LARP1: variants seen among roughly 807,000 people sequenced by gnomAD.
LARP1 encodes the protein la-related protein 1.
A neutral mutation model predicts 122.7 loss-of-function variants in LARP1; 36 were observed. The ratio of observed to expected loss-of-function variants is 0.29; its 90% CI spans 0.22 to 0.39. LARP1 has a LOEUF of 0.39. Among genes scored for constraint, LARP1 ranks in the 10% least tolerant of loss-of-function variants. LARP1 has a pLI of 1.00. For synonymous variants in LARP1, 539 were observed against 528.7 expected (o/e 1.02, Z -0.27); for missense variants, 1,040 against 1,403.6 (o/e 0.74, Z 4.14).
At chr5:154,775,214 C>T (rs1236206832) in intron 1 of LARP1, among the ~76,000 whole-genome samples, 4 of 152,122 alleles carry the variant, frequency 2.6e-5, no homozygotes, top group African/African-American at 4.8e-5. Context: ...CCAGGAAGAT[C>T]GTGTGAGTTC....
chr5:154,781,256 G>A (rs1756402547), intron 1 of LARP1, among the ~76,000 whole-genome samples: 1 of 152,084 alleles, frequency 6.6e-6, no homozygotes. Context: ...AAAGCCCAAG[G>A]GAGCCCCGCA....
chr5:154,757,037 G>C (rs1261209129), intron 1 of LARP1: 1 of 148,416 alleles, frequency 6.7e-6, no homozygotes, highest in Non-Finnish European at 1.5e-5. Flanking sequence ...CGGGCCGCTC[G>C]GCCTCGGCGT....
At chr5:154,757,237 C>G (rs527651724) in intron 1 of LARP1, 1 of 151,896 alleles carries the variant, frequency 6.6e-6, no homozygotes, top group African/African-American at 2.4e-5. Context: ...CGAGTCCTCC[C>G]TCTCCCTCCT....
chr5:154,756,615 C>G (rs1753937999), intron 1 of LARP1: 1 of 585,944 alleles, frequency 1.7e-6, no homozygotes, highest in African/African-American at 2.0e-5. Context: ...GCGAGCGTCC[C>G]CATGTTGTAA....
chr5:154,683,175 C>T (rs1753774586), intron 1 of LARP1, among the ~76,000 whole-genome samples: 1 of 152,240 alleles, frequency 6.6e-6, no homozygotes, highest in Non-Finnish European at 1.5e-5. Context: ...CGGAAAGGCA[C>T]AGATCTTACC....
intron 1 of LARP1, among the ~76,000 whole-genome samples, chr5:154,715,400 G>T (rs993278843): frequency 8.6e-5 from 13 of 151,176 alleles, no homozygotes; most frequent in African/African-American, 2.7e-4. Context: ...GAGTAGCTGG[G>T]ATTACAGGCA....
chr5:154,794,259 A>G lies in LARP1; in HGVS notation c.1229A>G (p.Gln410Arg). Residue 410 changes from glutamine to arginine, a missense_variant, in exon 7 of 19, where the codon CAG (glutamine) becomes CGG (arginine). Coordinates refer to ENST00000518297, the MANE Select transcript of LARP1 (RefSeq NM_033551.3). ...CTGCTCAAAGACTACATCAAGCGCCAGATGTGAGTGTGCGGAAGCCTTCTT... is the reference window on the plus strand; with the variant it reads ...CTGCTCAAAGACTACATCAAGCGCCGGATGTGAGTGTGCGGAAGCCTTCTT... ...QELLKDYIKR[Q>R]IEYYFSVDNL... is the part of the protein sequence containing the mutation. 1 of 1,613,974 alleles carries G rather than the reference A, an allele frequency of 6.2e-7. No homozygotes were observed. Among genetic ancestry groups the G allele is most frequent in the Non-Finnish European group, 8.5e-7 (1 of 1,179,836 alleles).
intron 1 of LARP1, among the ~76,000 whole-genome samples, chr5:154,706,379 A>C (rs962345338): frequency 6.6e-6 from 1 of 151,886 alleles, no homozygotes; most frequent in African/African-American, 2.4e-5. Context: ...CAGCCATACA[A>C]AAAGAATGAA....
intron 16 of LARP1, 48 bp from the exon 17 acceptor site, chr5:154,811,199 T>G (rs561231653): frequency 7.1e-7 from 1 of 1,409,098 alleles, no homozygotes; most frequent in South Asian, 1.2e-5. Flanking sequence ...CATTTCCCGT[T>G]TTACAGATGA....
chr5:154,698,285 G>A (rs1754563231), intron 1 of LARP1, among the ~76,000 whole-genome samples: 1 of 152,124 alleles, frequency 6.6e-6, no homozygotes, highest in Non-Finnish European at 1.5e-5. Flanking sequence ...TCTTTTTGAG[G>A]TGATGAAAAT....
upstream of LARP1, among the ~76,000 whole-genome samples, chr5:154,751,859 G>A (rs996291121): frequency 2.6e-5 from 4 of 152,050 alleles, no homozygotes; most frequent in Admixed American, 2.6e-4. Context: ...GGGGTTTCAG[G>A]CATGCACTGG....
intron 1 of LARP1, among the ~76,000 whole-genome samples, chr5:154,736,757 G>C (rs192774180): frequency 5.1e-4 from 78 of 151,512 alleles, no homozygotes; most frequent in Non-Finnish European, 9.6e-4. Context: ...GTAGAGACAG[G>C]GTTTTACCAT....
At position 154,814,228 on chromosome 5, in the gene LARP1, A is replaced by C; in HGVS notation, c.*132A>C. Reference sequence around the variant, plus strand: ...GTTACTAGGACAGGCCTTTGTGCTGAGTAGCAATGTATACACCATTTGGGC... The same window carrying C: ...GTTACTAGGACAGGCCTTTGTGCTGCGTAGCAATGTATACACCATTTGGGC... On this transcript the variant is annotated 3_prime_UTR_variant, in exon 19 of 19. Transcript: ENST00000518297. The C allele has an allele frequency of 1.1e-6, 1 of 887,918 alleles. No individual in the cohort carries two copies. The highest frequency in any genetic ancestry group is 1.8e-6 in the Non-Finnish European group (1 of 568,362). The allele number at this position is 887,918 out of a possible 1,614,324, so 55.0% of individuals were successfully genotyped here.
chr5:154,798,576 A>G (rs1758076270), intron 8 of LARP1, among the ~76,000 whole-genome samples: 2 of 151,616 alleles, frequency 1.3e-5, no homozygotes, highest in South Asian at 4.2e-4. Context: ...GGCTGGAGTT[A>G]GTACAGTGGT....
upstream of LARP1, among the ~76,000 whole-genome samples, chr5:154,751,983 TA>T (rs1034007006): frequency 6.6e-6 from 1 of 151,776 alleles, no homozygotes; most frequent in African/African-American, 2.4e-5. Context: ...TATTAAAACT[TA>T]AAAAAAATAG....
In LARP1 at chr5:154,814,263, T is replaced by G. The variant is rs1759518214; in HGVS notation, c.*167T>G. ...TATACACCATTTGGGCTATCAGAGG[T>G]ACCCCTGGGCAGGAGCCTCTACATC... On this transcript the variant is annotated 3_prime_UTR_variant, in exon 19 of 19. Transcript: ENST00000518297. 1 of 645,514 alleles carries G rather than the reference T, an allele frequency of 1.5e-6. No individual in the cohort carries two copies. 40.0% of individuals were successfully genotyped at this position (645,514 alleles called of 1,614,324 possible). A position where few individuals can be genotyped will look rare whatever the true frequency, so the allele number is the denominator to read the frequency against.
chr5:154,814,139 G>A lies in LARP1; in HGVS notation c.*43G>A, dbSNP rs1369789295. On this transcript the variant is annotated 3_prime_UTR_variant, in exon 19 of 19. Transcript: ENST00000518297. ...GGGCTTGAGGGGGGAAAGGGGTAGGGTGGGTAAGAGTCCATGGGGGTGCCC... is the reference window on the plus strand; with the variant it reads ...GGGCTTGAGGGGGGAAAGGGGTAGGATGGGTAAGAGTCCATGGGGGTGCCC... 4 of 1,588,844 alleles carry A rather than the reference G, an allele frequency of 2.5e-6. No individual in the cohort carries two copies. In the South Asian group the frequency reaches 3.4e-5, roughly 13 times the overall value.
chr5:154,807,543 A>T (rs1463747505), intron 15 of LARP1, among the ~76,000 whole-genome samples: 1 of 151,686 alleles, frequency 6.6e-6, no homozygotes, highest in Non-Finnish European at 1.5e-5. Flanking sequence ...ATTTTTCTTT[A>T]TTTTTATTAT....
intron 16 of LARP1, 121 bp downstream of exon 16, chr5:154,808,724 T>G (rs1759000881): frequency 9.8e-7 from 1 of 1,016,506 alleles, no homozygotes; most frequent in African/African-American, 1.6e-5. Flanking sequence ...TTCATATACT[T>G]GATGAAAAAT....
Sources: allele counts gnomAD v4.1 joint callset (sites outside exome capture counted in the v4.1 genomes callset), GRCh38; gene constraint gnomAD v4.1.1; transcripts MANE v1.5; gene names NCBI Gene and HGNC (gene_info 2026-07-23, HGNC 2026-07-21).